Variants in AKR1E2 observed in about 807,000 individuals in gnomAD.
The protein encoded by AKR1E2 is 1,5-anhydro-D-fructose reductase.
Under a neutral mutation model 41.9 loss-of-function variants are expected in AKR1E2, and 43 were observed. The observed-to-expected ratio is 1.03, with a 90% CI of 0.80 to 1.32. AKR1E2 has a LOEUF of 1.32. Among genes scored for constraint, AKR1E2 ranks in the 40% most tolerant of loss-of-function variants. The pLI is 0.00. For synonymous variants in AKR1E2, 121 were observed against 138.9 expected (o/e 0.87, Z 0.91); for missense variants, 423 against 396.5 (o/e 1.07, Z -0.57).
At chr10:4,836,932 C>A (rs932805205) in intron 4 of AKR1E2, among the ~76,000 whole-genome samples, 1 of 152,272 alleles carries the variant, frequency 6.6e-6, no homozygotes, top group Admixed American at 6.5e-5. Context: ...GGTCAGTGAC[C>A]AGCTCAGAGC....
chr10:4,861,693 C>A, the AKR1E2 span, among the ~76,000 whole-genome samples: 2 of 152,096 alleles, frequency 1.3e-5, no homozygotes, highest in South Asian at 2.1e-4. Context: ...GTCAAAAATT[C>A]TTTGAAATAA....
At chr10:4,848,343 A>G (rs1284321260), downstream of AKR1E2, among the ~76,000 whole-genome samples, 2 of 152,242 alleles carry the variant, frequency 1.3e-5, no homozygotes, top group Admixed American at 6.5e-5. Flanking sequence ...AGATTCATGT[A>G]TCAGAAGGAG....
chr10:4,825,186 G>A (rs1832381312), upstream of AKR1E2: 1 of 340,526 alleles, frequency 2.9e-6, no homozygotes, highest in Non-Finnish European at 6.2e-6. Context: ...GAGTGACCCT[G>A]GGAGTTTCTC....
At chr10:4,844,236 G>A (rs754643592) in intron 8 of AKR1E2, among the ~76,000 whole-genome samples, 2 of 152,142 alleles carry the variant, frequency 1.3e-5, no homozygotes, top group South Asian at 2.1e-4. Flanking sequence ...GGACCTTTGC[G>A]GTGAGTGTTA....
chr10:4,865,804 AC>A, the AKR1E2 span, among the ~76,000 whole-genome samples: 1 of 152,210 alleles, frequency 6.6e-6, no homozygotes, highest in East Asian at 1.9e-4. Context: ...CTGAAGCTTA[AC>A]AAAAAGAGTC....
At chr10:4,842,739 A>T (rs1833989013) in intron 8 of AKR1E2, among the ~76,000 whole-genome samples, 1 of 152,080 alleles carries the variant, frequency 6.6e-6, no homozygotes, top group South Asian at 2.1e-4. Context: ...CCAGCCCAAG[A>T]TTAGGAAGGA....
Position 4,847,574 on chromosome 10 carries a change from A to G in AKR1E2, c.*44A>G. The G allele has an allele frequency of 6.2e-7, 1 of 1,602,586 alleles. No homozygotes were observed. The highest frequency in any genetic ancestry group is 8.5e-7 in the Non-Finnish European group (1 of 1,171,148). On this transcript the variant is annotated 3_prime_UTR_variant, in exon 10 of 10. Transcript: ENST00000298375. ...GTTTCTGCTCAGCCCAGATGCACAG[A>G]CACTATTGGCAATGTTGACCCTCCT... is the stretch of plus-strand genomic sequence containing the variant.
intron 3 of AKR1E2, among the ~76,000 whole-genome samples, chr10:4,834,425 AC>A (rs1462677982): frequency 6.6e-6 from 1 of 152,200 alleles, no homozygotes; most frequent in African/African-American, 2.4e-5. Flanking sequence ...AGAGGGCAAA[AC>A]CAGAGTGATG....
intron 8 of AKR1E2, among the ~76,000 whole-genome samples, chr10:4,844,901 G>T (rs1020112767): frequency 2.0e-5 from 3 of 152,342 alleles, no homozygotes; most frequent in Middle Eastern, 3.4e-3. Context: ...TGCCAGTCCC[G>T]GGCGGTGTGC....
intron 6 of AKR1E2, 51 bp downstream of exon 6, chr10:4,839,877 G>A (rs138353224): frequency 6.7e-7 from 1 of 1,501,634 alleles, no homozygotes; most frequent in Non-Finnish European, 9.3e-7. Flanking sequence ...GGAAGTAGAT[G>A]CCACCTTCTC....
chr10:4,835,721 G>T lies in AKR1E2; in HGVS notation c.371G>T (p.Cys124Phe). The T allele has an allele frequency of 6.2e-7, 1 of 1,614,042 alleles. No individual in the cohort carries two copies. Among genetic ancestry groups the T allele is most frequent in the South Asian group, 1.1e-5 (1 of 91,068 alleles). ...WIMSCSELSF[C>F]LSHPRVQDLP... ...ATGAGCTGCAGTGAACTTTCCTTCT[G>T]CCTCTCACATCCTCGAGTGCAGGAC... is the stretch of plus-strand genomic sequence containing the variant. The change falls in exon 4 of 10, where the codon TGC becomes TTC. Residue 124 changes from cysteine to phenylalanine, a missense_variant. By Grantham distance (205) the Cys-to-Phe change is radical. Coordinates refer to ENST00000298375, the MANE Select transcript of AKR1E2 (RefSeq NM_001040177.3).
At chr10:4,871,431 A>T in the AKR1E2 span, among the ~76,000 whole-genome samples, 5 of 152,190 alleles carry the variant, frequency 3.3e-5, no homozygotes, top group Non-Finnish European at 7.4e-5. Context: ...ACATTCATTT[A>T]TAATATCTAA....
rs1832482017 is a variant in AKR1E2 at position 4,826,250 on chromosome 10, G to C, written c.-75G>C. On this transcript the variant is annotated 5_prime_UTR_variant, in exon 1 of 10. Transcript: ENST00000298375. ...CCAGTCGCAACGGCGGGTCGCCAGCGCCGCAGTAGCTCGCGCGGTGCCTGT... is the reference window on the plus strand; with the variant it reads ...CCAGTCGCAACGGCGGGTCGCCAGCCCCGCAGTAGCTCGCGCGGTGCCTGT... 6.8e-6 allele frequency: 8 copies of C among 1,174,666 alleles called. No individual in the cohort carries two copies. Among genetic ancestry groups the C allele is most frequent in the Non-Finnish European group, 8.6e-6 (8 of 935,078 alleles). The allele number at this position is 1,174,666 out of a possible 1,614,324, so 72.8% of individuals were successfully genotyped here.
At chr10:4,869,391 T>C in the AKR1E2 span, among the ~76,000 whole-genome samples, 1 of 152,122 alleles carries the variant, frequency 6.6e-6, no homozygotes, top group Admixed American at 6.5e-5. Flanking sequence ...GCATTCCTTA[T>C]GTTGGTAGTC....
the AKR1E2 span, among the ~76,000 whole-genome samples, chr10:4,856,776 A>G: frequency 1.3e-5 from 2 of 152,176 alleles, no homozygotes; most frequent in Admixed American, 6.5e-5. Flanking sequence ...TTCTTTGTCA[A>G]TTATGTTTTT....
At chr10:4,865,634 A>T in the AKR1E2 span, among the ~76,000 whole-genome samples, 1 of 152,196 alleles carries the variant, frequency 6.6e-6, no homozygotes, top group East Asian at 1.9e-4. Context: ...GAAAAAGAAA[A>T]TCCCTCAATA....
At position 4,830,425 on chromosome 10, in the gene AKR1E2, C is replaced by T. The variant is rs56039972; in HGVS notation, c.40-250C>T. Reference sequence around the variant, plus strand: ...ATCATTCAGGAAGCATACCATCTAGCTCAGTTTTCTGCAGACACTAAAAAT... The same window carrying T: ...ATCATTCAGGAAGCATACCATCTAGTTCAGTTTTCTGCAGACACTAAAAAT... On this transcript the variant is annotated intron_variant, in intron 1 of 9. Coordinates refer to ENST00000298375, the MANE Select transcript of AKR1E2 (RefSeq NM_001040177.3). Among the ~76,000 whole-genome samples the T allele has an allele frequency of 0.059, 8,929 of 152,138 alleles. 309 individuals are homozygous for T. Among genetic ancestry groups the T allele is most frequent in the Non-Finnish European group, 0.069 (4,683 of 67,998 alleles).
intron 1 of AKR1E2, among the ~76,000 whole-genome samples, chr10:4,828,888 A>G (rs1016312017): frequency 2.0e-5 from 3 of 152,182 alleles, no homozygotes; most frequent in South Asian, 2.1e-4. Flanking sequence ...TTCACCTGCT[A>G]TATTCATTAC....
chr10:4,837,217 G>A (rs935206038), intron 4 of AKR1E2, among the ~76,000 whole-genome samples: 1 of 152,208 alleles, frequency 6.6e-6, no homozygotes, highest in African/African-American at 2.4e-5. Context: ...ATGTAGACCT[G>A]TCCTGAAGCT....
Sources: gnomAD v4.1 joint callset for allele counts (sites outside exome capture counted in the v4.1 genomes callset) on GRCh38, gnomAD v4.1.1 for gene constraint, MANE v1.5 for transcripts, NCBI Gene and HGNC (gene_info 2026-07-23, HGNC 2026-07-21) for gene names.